Variants in FHIT observed in about 807,000 individuals in gnomAD.
FHIT encodes fragile histidine triad diadenosine triphosphatase.
FHIT carries 19 observed loss-of-function variants against 17.9 expected under a neutral mutation model. The observed-to-expected ratio is 1.06, with a 90% CI of 0.74 to 1.56. The LOEUF (loss-of-function observed/expected upper bound fraction) is 1.56, where lower values mean the gene tolerates loss of function less well. FHIT is among the 40% of genes most tolerant of loss of function. The pLI is 0.00. For synonymous variants in FHIT, 81 were observed against 69.7 expected (o/e 1.16, Z -0.81); for missense variants, 248 against 189.2 (o/e 1.31, Z -1.82).
chr3:60,539,040 C>G (rs1232415275), intron 4 of FHIT, among the ~76,000 whole-genome samples: 1 of 152,010 alleles, frequency 6.6e-6, no homozygotes, highest in Non-Finnish European at 1.5e-5. Flanking sequence ...GCAATCTACT[C>G]ATCTGACAAA....
intron 4 of FHIT, among the ~76,000 whole-genome samples, chr3:60,539,747 C>T (rs1202924712): frequency 1.3e-5 from 2 of 151,894 alleles, no homozygotes; most frequent in South Asian, 2.1e-4. Flanking sequence ...ACAATGAGAA[C>T]ACTTGGACAC....
chr3:60,743,781 G>GCTT (rs2042285378), intron 4 of FHIT, among the ~76,000 whole-genome samples: 2 of 152,196 alleles, frequency 1.3e-5, no homozygotes, highest in Non-Finnish European at 2.9e-5. Flanking sequence ...TGAGGACACA[G>GCTT]GTCCAGGGGA....
At chr3:60,485,792 A>G (rs1006727184) in intron 5 of FHIT, among the ~76,000 whole-genome samples, 1 of 152,128 alleles carries the variant, frequency 6.6e-6, no homozygotes, top group Non-Finnish European at 1.5e-5. Flanking sequence ...TTTTTAAATA[A>G]AGAAATGGAC....
At chr3:60,096,481 C>T (rs1413656248) in intron 5 of FHIT, among the ~76,000 whole-genome samples, 1 of 152,206 alleles carries the variant, frequency 6.6e-6, no homozygotes, top group Non-Finnish European at 1.5e-5. Context: ...CTCTGGGTCG[C>T]AGGTTTCATC....
At chr3:60,681,889 G>A (rs1379484945) in intron 4 of FHIT, among the ~76,000 whole-genome samples, 10 of 152,148 alleles carry the variant, frequency 6.6e-5, no homozygotes, top group African/African-American at 2.4e-4. Context: ...AGGCAAAGCA[G>A]GAAGTGCTTA....
chr3:60,811,500 T>TA (rs1701570237), intron 4 of FHIT, among the ~76,000 whole-genome samples: 1 of 152,208 alleles, frequency 6.6e-6, no homozygotes. Flanking sequence ...GCAACTCTGT[T>TA]AGCAGTAGCG....
chr3:60,446,906 C>A (rs1016624113), intron 5 of FHIT, among the ~76,000 whole-genome samples: 10 of 145,820 alleles, frequency 6.9e-5, no homozygotes, highest in Admixed American at 4.7e-4. Context: ...TAATAAAAAG[C>A]CTTCAGGTAT....
chr3:59,940,305 A>T (rs143006072), intron 7 of FHIT, among the ~76,000 whole-genome samples: 100 of 152,296 alleles, frequency 6.6e-4, no homozygotes, highest in African/African-American at 2.4e-3. Flanking sequence ...CTACTTGACC[A>T]CAACATCTTT....
intron 5 of FHIT, among the ~76,000 whole-genome samples, chr3:60,208,817 A>G (rs1374071048): frequency 6.6e-6 from 1 of 152,152 alleles, no homozygotes; most frequent in Non-Finnish European, 1.5e-5. Context: ...GGTGAATGAC[A>G]TCAGAGAGCC....
intron 2 of FHIT, among the ~76,000 whole-genome samples, chr3:61,149,987 A>G (rs775453597): frequency 2.6e-5 from 4 of 152,168 alleles, no homozygotes; most frequent in Non-Finnish European, 5.9e-5. Context: ...GTCACCTCCA[A>G]CCCTCTCCAG....
chr3:59,915,937 G>GAAA (rs68033255), intron 8 of FHIT, among the ~76,000 whole-genome samples: 151 of 142,322 alleles, frequency 1.1e-3, no homozygotes, highest in East Asian at 1.4e-3. Context: ...GTCTCTTAGG[G>GAAA]AAAAAAAAAA....
chr3:59,817,093 G>C (rs113347235), intron 8 of FHIT, among the ~76,000 whole-genome samples: 3 of 152,158 alleles, frequency 2.0e-5, no homozygotes, highest in African/African-American at 4.8e-5. Flanking sequence ...CAGCGTCTTC[G>C]TAGATAGGAG....
chr3:61,239,408 T>C (rs1004296827), intron 1 of FHIT, among the ~76,000 whole-genome samples: 3 of 152,120 alleles, frequency 2.0e-5, no homozygotes, highest in African/African-American at 7.2e-5. Flanking sequence ...TATAGGCTAT[T>C]CCTTCTGCCT....
At chr3:61,187,443 G>C (rs1254960887) in intron 2 of FHIT, among the ~76,000 whole-genome samples, 1 of 152,086 alleles carries the variant, frequency 6.6e-6, no homozygotes, top group Non-Finnish European at 1.5e-5. Context: ...AGCCCTTAGA[G>C]ACCTATAAAG....
At chr3:60,643,744 A>G (rs1209266838) in intron 4 of FHIT, among the ~76,000 whole-genome samples, 1 of 152,220 alleles carries the variant, frequency 6.6e-6, no homozygotes, top group Non-Finnish European at 1.5e-5. Context: ...CAAGGGTAGT[A>G]GTATCTGCAT....
chr3:59,758,002 GC>G (rs748615836), intron 8 of FHIT, among the ~76,000 whole-genome samples: 3 of 152,160 alleles, frequency 2.0e-5, no homozygotes, highest in Non-Finnish European at 2.9e-5. Flanking sequence ...ATGCAATAAG[GC>G]AGACAGATTC....
chr3:61,015,085 G>A (rs1450398244), intron 3 of FHIT, among the ~76,000 whole-genome samples: 1 of 151,764 alleles, frequency 6.6e-6, no homozygotes, highest in East Asian at 1.9e-4. Flanking sequence ...CTGACTTGGT[G>A]GTCAGCTGTC....
chr3:60,618,732 T>C (rs2039026773), intron 4 of FHIT, among the ~76,000 whole-genome samples: 2 of 152,214 alleles, frequency 1.3e-5, no homozygotes. Flanking sequence ...GGCCTTGAGA[T>C]GACCTTGAAT....
chr3:60,334,514 C>G (rs1203176200), intron 5 of FHIT, among the ~76,000 whole-genome samples: 1 of 152,202 alleles, frequency 6.6e-6, no homozygotes, highest in Non-Finnish European at 1.5e-5. Flanking sequence ...TTGGCCAGCA[C>G]AGTGACTCAC....
Sources: gnomAD v4.1 joint callset for allele counts (sites outside exome capture counted in the v4.1 genomes callset) on GRCh38, gnomAD v4.1.1 for gene constraint, MANE v1.5 for transcripts, NCBI Gene and HGNC (gene_info 2026-07-23, HGNC 2026-07-21) for gene names.